Variants in TCEANC observed in about 807,000 individuals in gnomAD.
The protein encoded by TCEANC is transcription elongation factor A N-terminal and central domain containing, also known as transcription elongation factor A N-terminal and central domain-containing protein.
Under a neutral mutation model 8.7 loss-of-function variants are expected in TCEANC, and 8 were observed. That is an observed-to-expected ratio of 0.92 (90% CI 0.54 to 1.65). The LOEUF (loss-of-function observed/expected upper bound fraction) is 1.65. Among genes scored for constraint, TCEANC ranks in the 40% most tolerant of loss-of-function variants. The pLI, the probability that TCEANC is intolerant of heterozygous loss-of-function variation, is 0.00. For missense variants in TCEANC, 255 were observed against 251.9 expected, an observed-to-expected ratio of 1.01 and a Z score of -0.08; for synonymous variants, 78 against 92.9, an observed-to-expected ratio of 0.84 and a Z score of 0.92.
At chrX:13,656,793 T>C (rs981257687) in intron 1 of TCEANC, among the ~76,000 whole-genome samples, 152 of 112,879 alleles carry the variant, frequency 1.3e-3, no homozygotes, top group African/African-American at 4.6e-3. Flanking sequence ...TTCTGACACA[T>C]GCTACAACAT....
chrX:13,659,407 A>G (rs2045948093), intron 1 of TCEANC, among the ~76,000 whole-genome samples: 2 of 111,944 alleles, frequency 1.8e-5, no homozygotes, highest in African/African-American at 6.5e-5. Flanking sequence ...CTTAAAGGGA[A>G]TTGTAATTAT....
At chrX:13,664,504 GT>G (rs1306194638) in exon 2 of TCEANC, 1 of 123,282 alleles carries the variant, frequency 8.1e-6, no homozygotes, top group Non-Finnish European at 1.9e-5. Context: ...CTCTTGCTTA[GT>G]TGAAGGAGTT....
exon 2 of TCEANC, chrX:13,663,507 C>T (rs370372330): frequency 3.2e-5 from 37 of 1,170,271 alleles, no homozygotes; most frequent in South Asian, 1.2e-4. Context: ...TGATGACTTA[C>T]GTAATTTGTA....
exon 2 of TCEANC, chrX:13,665,333 G>T (rs1400097381): frequency 1.6e-5 from 2 of 123,781 alleles, no homozygotes; most frequent in African/African-American, 6.5e-5. Context: ...GGGTTTGTGT[G>T]TATGTGTGTA....
At chrX:13,654,280 G>C (rs1219334241), upstream of TCEANC, among the ~76,000 whole-genome samples, 1 of 112,621 alleles carries the variant, frequency 8.9e-6, no homozygotes. Context: ...ATGTTGCACA[G>C]CCCTGCTCTA....
chrX:13,663,573 C>T (rs761227453), exon 2 of TCEANC: 9 of 1,115,946 alleles, frequency 8.1e-6, no homozygotes, highest in Non-Finnish European at 8.3e-6. Flanking sequence ...AACTGTAAAT[C>T]AGTGTTCTCT....
chrX:13,662,021 G>T (rs1481114016), intron 1 of TCEANC, among the ~76,000 whole-genome samples: 2 of 111,834 alleles, frequency 1.8e-5, no homozygotes, highest in Non-Finnish European at 3.8e-5. Flanking sequence ...TTTCAGAAGA[G>T]TACCACTTTA....
rs2045991888 is a variant in TCEANC at position 13,663,749 on chromosome X, CTATT to C, written c.*189_*192del. ...CAGTTTGGGGAGAGGGAGTGGATGA[CTATT>C]TATATTGTGCCTTGTGGCCATTTAG... On this transcript the variant is annotated 3_prime_UTR_variant, in exon 2 of 2. Coordinates refer to ENST00000380600, the Ensembl canonical transcript of TCEANC. The C allele has an allele frequency of 2.6e-5, 11 of 421,024 alleles. No homozygotes were observed. In the South Asian group the frequency reaches 4.8e-4, roughly 19 times the overall value. 34.7% of individuals were successfully genotyped at this position (421,024 alleles called of 1,213,427 possible).
At chrX:13,663,275 T>C (rs767149627) in exon 2 of TCEANC, 9 of 1,202,201 alleles carry the variant, frequency 7.5e-6, no homozygotes. Flanking sequence ...TTTGCTGAAA[T>C]GACTGTCATG....
intron 1 of TCEANC, among the ~76,000 whole-genome samples, 91 bp from the exon 4 acceptor site, chrX:13,660,940 G>C (rs1360556026): frequency 9.0e-6 from 1 of 111,719 alleles, no homozygotes; most frequent in Admixed American, 9.5e-5. Context: ...CGCCTTCCAG[G>C]TTCATGCCAT....
At chrX:13,654,440 A>G (rs972578708), upstream of TCEANC, among the ~76,000 whole-genome samples, 2 of 112,651 alleles carry the variant, frequency 1.8e-5, no homozygotes, top group African/African-American at 3.2e-5. Flanking sequence ...TGAGTAGTCC[A>G]TAGAGATTGT....
At chrX:13,663,845 A>C (rs1296161520) in exon 2 of TCEANC, 1 of 248,215 alleles carries the variant, frequency 4.0e-6, no homozygotes, top group Non-Finnish European at 7.5e-6. Flanking sequence ...TGGGAAATGC[A>C]TTCCCAGGCC....
rs1279868305 is a variant in TCEANC at position 13,662,802 on chromosome X, TAAAG to T, written c.297_300del (p.Glu100LysfsTer34). On this transcript the variant is annotated frameshift_variant, in exon 2 of 2. Coordinates refer to ENST00000380600, the Ensembl canonical transcript of TCEANC. LOFTEE classifies it low-confidence loss of function (END_TRUNC). ...CTAAATTATTTCCTGTGAGGGGTAA[TAAAG>T]AAGAAAATTCAGGACCTTCTCATGA... 2.0e-5 allele frequency: 24 copies of T among 1,209,726 alleles called. No homozygotes were observed. The highest frequency in any genetic ancestry group is 2.6e-5 in the Non-Finnish European group (23 of 894,926).
chrX:13,662,281 CTGTT>C lies in TCEANC; in HGVS notation c.-8-210_-8-207del, dbSNP rs767425013. Among the ~76,000 whole-genome samples the C allele has an allele frequency of 3.6e-5, 4 of 112,119 alleles. No individual in the cohort carries two copies. The South Asian group carries it at 1.5e-3, about 42-fold the overall frequency. Reference sequence around the variant, plus strand: ...GATGTTATGTAGAGGCTCTGCAATGCTGTTTGTTTGTTTTTCACTCGTAGGAATT... The same window carrying C: ...GATGTTATGTAGAGGCTCTGCAATGCTGTTTGTTTTTCACTCGTAGGAATT... On this transcript the variant is annotated intron_variant, in intron 1 of 1. Transcript: ENST00000380600.
exon 2 of TCEANC, chrX:13,665,208 G>A (rs2046006592): frequency 8.1e-6 from 1 of 123,719 alleles, no homozygotes; most frequent in Non-Finnish European, 1.9e-5. Context: ...GTTTCACAAA[G>A]TGTGGTTTCA....
intron 1 of TCEANC, among the ~76,000 whole-genome samples, chrX:13,656,620 G>A (rs1402643139): frequency 8.9e-6 from 1 of 112,719 alleles, no homozygotes; most frequent in African/African-American, 3.2e-5. Context: ...AGAATTGAAA[G>A]CAGGGTCTCA....
upstream of TCEANC, among the ~76,000 whole-genome samples, chrX:13,655,008 A>G (rs189924158): frequency 2.7e-5 from 3 of 110,880 alleles, no homozygotes; most frequent in Admixed American, 9.7e-5. Flanking sequence ...GTGAAAAGAA[A>G]TGAAGCTCCC....
exon 2 of TCEANC, chrX:13,663,758 T>C (rs1255755011): frequency 2.5e-6 from 1 of 399,612 alleles, no homozygotes; most frequent in Non-Finnish European, 4.3e-6. Flanking sequence ...ACTATTTATA[T>C]TGTGCCTTGT....
At chrX:13,654,236 T>G (rs917426595), upstream of TCEANC, among the ~76,000 whole-genome samples, 3 of 113,083 alleles carry the variant, frequency 2.7e-5, no homozygotes, top group African/African-American at 9.6e-5. Flanking sequence ...ACTGGAAAAT[T>G]TTAAATCATA....
Sources: allele counts gnomAD v4.1 joint callset (sites outside exome capture counted in the v4.1 genomes callset), GRCh38; gene constraint gnomAD v4.1.1; transcripts MANE v1.5; gene names NCBI Gene and HGNC (gene_info 2026-07-23, HGNC 2026-07-21).